Variants in SLC25A13 observed in about 807,000 individuals in gnomAD.
SLC25A13 encodes electrogenic aspartate/glutamate antiporter SLC25A13, mitochondrial.
SLC25A13 carries 70 observed loss-of-function variants against 85.5 expected under a neutral mutation model. The observed-to-expected ratio is 0.82, with a 90% CI of 0.68 to 1.00. The LOEUF (loss-of-function observed/expected upper bound fraction) is 1.00. SLC25A13 is among the 50% of genes least tolerant of loss of function. The pLI, the probability that SLC25A13 is intolerant of heterozygous loss-of-function variation, is 0.00. For missense variants in SLC25A13, 765 were observed against 819.8 expected (o/e 0.93, Z 0.82); for synonymous variants, 259 against 288.7 (o/e 0.90, Z 1.04).
At chr7:96,165,579 A>C (rs1252505372) in intron 13 of SLC25A13, among the ~76,000 whole-genome samples, 1 of 152,224 alleles carries the variant, frequency 6.6e-6, no homozygotes, top group Non-Finnish European at 1.5e-5. Flanking sequence ...AAAAATGCAA[A>C]GGCATCAATC....
At chr7:96,190,833 G>A (rs1584433062) in intron 7 of SLC25A13, among the ~76,000 whole-genome samples, 1 of 151,838 alleles carries the variant, frequency 6.6e-6, no homozygotes, top group Non-Finnish European at 1.5e-5. Flanking sequence ...GGCTGGTCTC[G>A]AACTCCTGAT....
chr7:96,259,087 T>A (rs1356914432), intron 3 of SLC25A13, among the ~76,000 whole-genome samples: 1 of 152,184 alleles, frequency 6.6e-6, no homozygotes. Flanking sequence ...GATTTAAATG[T>A]AAGATATAAA....
At chr7:96,149,915 T>C (rs1225302890) in intron 13 of SLC25A13, among the ~76,000 whole-genome samples, 1 of 152,178 alleles carries the variant, frequency 6.6e-6, no homozygotes, top group South Asian at 2.1e-4. Context: ...GTGCACAATG[T>C]CTTTGCGTCC....
chr7:96,125,255 T>C (rs1584339896), intron 15 of SLC25A13, among the ~76,000 whole-genome samples: 1 of 152,028 alleles, frequency 6.6e-6, no homozygotes, highest in Non-Finnish European at 1.5e-5. Context: ...CGCCCGGCTA[T>C]TTTTTGTATT....
In SLC25A13 at chr7:96,322,067, A is replaced by G. The variant is rs368317804; in HGVS notation, c.-111T>C. ...CGGCGGCGGCGGTGGGGGCGGCGAT[A>G]CGGCCAGGCAGCGTGCGTTCCTGGC... On this transcript the variant is annotated 5_prime_UTR_variant, in exon 1 of 18. Transcript: ENST00000265631. 14 of 1,418,790 alleles carry G rather than the reference A, an allele frequency of 9.9e-6. No homozygotes were observed. In the Middle Eastern group the frequency reaches 9.1e-4, roughly 92 times the overall value. 87.9% of individuals were successfully genotyped at this position (1,418,790 alleles called of 1,614,324 possible). A position where few individuals can be genotyped will look rare whatever the true frequency, so the allele number is the denominator to read the frequency against.
At chr7:96,149,933 C>T (rs1792963948) in intron 13 of SLC25A13, among the ~76,000 whole-genome samples, 1 of 152,168 alleles carries the variant, frequency 6.6e-6, no homozygotes, top group African/African-American at 2.4e-5. Context: ...TCCCTCATCA[C>T]TTGAAAGCTC....
intron 3 of SLC25A13, among the ~76,000 whole-genome samples, chr7:96,253,482 C>T (rs1350093876): frequency 6.6e-6 from 1 of 152,196 alleles, no homozygotes; most frequent in African/African-American, 2.4e-5. Context: ...GGATAGGTCA[C>T]TTGTCTAAGA....
intron 3 of SLC25A13, among the ~76,000 whole-genome samples, chr7:96,257,112 G>A (rs182365292): frequency 1.3e-4 from 20 of 152,058 alleles, no homozygotes; most frequent in Non-Finnish European, 2.5e-4. Flanking sequence ...AGGAAAAGGC[G>A]GGAAAGATCT....
At chr7:96,215,982 C>T (rs1393359048) in intron 4 of SLC25A13, among the ~76,000 whole-genome samples, 3 of 151,676 alleles carry the variant, frequency 2.0e-5, no homozygotes, top group African/African-American at 4.8e-5. Flanking sequence ...TGGCAAAACC[C>T]CATCTCTACT....
At position 96,203,345 on chromosome 7, in the gene SLC25A13, G is replaced by C. The variant is rs556313672; in HGVS notation, c.468+5493C>G. On this transcript the variant is annotated intron_variant, in intron 5 of 17. Coordinates refer to ENST00000265631, the MANE Select transcript of SLC25A13 (RefSeq NM_014251.3). ...GGAGGGGAGGTCGGTGGAGAGGCCTGGGACTCTGCATTTCTAAATACGCAT... is the reference window on the plus strand; with the variant it reads ...GGAGGGGAGGTCGGTGGAGAGGCCTCGGACTCTGCATTTCTAAATACGCAT... Among the ~76,000 whole-genome samples, 26 of 152,224 alleles carry C rather than the reference G, an allele frequency of 1.7e-4. 1 individual carries two copies. The highest frequency in any genetic ancestry group is 6.2e-4 in the South Asian group (3 of 4,820).
chr7:96,130,520 G>A (rs1334936093), intron 15 of SLC25A13, among the ~76,000 whole-genome samples: 1 of 152,116 alleles, frequency 6.6e-6, no homozygotes, highest in Non-Finnish European at 1.5e-5. Flanking sequence ...ACTTGCCCAA[G>A]GTCACACATT....
At chr7:96,134,252 T>C (rs1207680967) in intron 14 of SLC25A13, among the ~76,000 whole-genome samples, 1 of 151,978 alleles carries the variant, frequency 6.6e-6, no homozygotes, top group Non-Finnish European at 1.5e-5. Flanking sequence ...GGCAGGCTGG[T>C]CTCCAACTCC....
chr7:96,215,016 T>C (rs1022011700), intron 4 of SLC25A13, among the ~76,000 whole-genome samples: 43 of 152,186 alleles, frequency 2.8e-4, no homozygotes, highest in African/African-American at 9.9e-4. Context: ...CCTATCAAAA[T>C]CCTGGTTGGC....
At chr7:96,203,191 G>C (rs968533677) in intron 5 of SLC25A13, among the ~76,000 whole-genome samples, 2 of 152,120 alleles carry the variant, frequency 1.3e-5, no homozygotes, top group Admixed American at 1.3e-4. Flanking sequence ...TACACATTCA[G>C]GGTTGCCTAG....
intron 12 of SLC25A13, 98 bp from the exon 13 acceptor site, chr7:96,170,223 T>G: frequency 2.8e-6 from 3 of 1,077,174 alleles, no homozygotes; most frequent in Non-Finnish European, 2.9e-6. Context: ...TTTTTTTCTA[T>G]CAGTCTATTG....
chr7:96,172,828 G>A (rs1452442507), intron 11 of SLC25A13, among the ~76,000 whole-genome samples: 2 of 151,860 alleles, frequency 1.3e-5, no homozygotes, highest in Non-Finnish European at 2.9e-5. Flanking sequence ...GCGCGATCTC[G>A]GCTCACTGCC....
At chr7:96,159,237 A>C (rs986795221) in intron 13 of SLC25A13, among the ~76,000 whole-genome samples, 3 of 152,190 alleles carry the variant, frequency 2.0e-5, no homozygotes, top group Non-Finnish European at 4.4e-5. Flanking sequence ...CACAAACTGA[A>C]AGAAAGACCT....
chr7:96,257,538 A>T (rs1298669361), intron 3 of SLC25A13, among the ~76,000 whole-genome samples: 1 of 152,228 alleles, frequency 6.6e-6, no homozygotes, highest in Non-Finnish European at 1.5e-5. Context: ...CCCTGAATAG[A>T]TCAATAACAA....
chr7:96,267,673 G>A (rs1260122269), intron 3 of SLC25A13, among the ~76,000 whole-genome samples: 2 of 151,986 alleles, frequency 1.3e-5, no homozygotes, highest in African/African-American at 4.8e-5. Flanking sequence ...AATTAGCCGG[G>A]TGTGGTGGTG....
Sources: allele counts gnomAD v4.1 joint callset (sites outside exome capture counted in the v4.1 genomes callset), GRCh38; gene constraint gnomAD v4.1.1; transcripts MANE v1.5; gene names NCBI Gene and HGNC (gene_info 2026-07-23, HGNC 2026-07-21).